The following EYA4 variants were observed in gnomAD, a reference collection of about 807,000 sequenced individuals.
EYA4 encodes protein phosphatase EYA4.
In EYA4, 31 loss-of-function variants were observed where a neutral mutation model predicts 87.9. The observed-to-expected ratio is 0.35, with a 90% CI of 0.27 to 0.48. EYA4 has a LOEUF of 0.48. Ranked by LOEUF, EYA4 falls within the 20% of genes least tolerant of loss-of-function variation. EYA4 has a pLI of 0.99. For synonymous variants in EYA4, 263 were observed against 270.6 expected (o/e 0.97, Z 0.28); for missense variants, 678 against 761.4 (o/e 0.89, Z 1.29).
chr6:133,243,059 G>C (rs1255022254), intron 1 of EYA4, among the ~76,000 whole-genome samples: 1 of 150,790 alleles, frequency 6.6e-6, no homozygotes, highest in East Asian at 2.0e-4. Context: ...GTGTGTTTTG[G>C]TTCCAGAGCA....
intron 1 of EYA4, among the ~76,000 whole-genome samples, chr6:133,268,621 C>T (rs534442188): frequency 1.3e-5 from 2 of 152,130 alleles, no homozygotes; most frequent in South Asian, 2.1e-4. Flanking sequence ...TAACTATTTG[C>T]GTGCATCATT....
intron 13 of EYA4, among the ~76,000 whole-genome samples, chr6:133,504,429 C>CTGGATT (rs1798413387): frequency 6.6e-6 from 1 of 152,130 alleles, no homozygotes; most frequent in African/African-American, 2.4e-5. Flanking sequence ...GAATCTCTGC[C>CTGGATT]TATGAAATCC....
At chr6:133,349,726 A>G (rs927409373) in intron 2 of EYA4, among the ~76,000 whole-genome samples, 1 of 152,130 alleles carries the variant, frequency 6.6e-6, no homozygotes, top group Non-Finnish European at 1.5e-5. Context: ...AGTGGGCTAC[A>G]TCTCATTGCT....
At chr6:133,441,107 C>T (rs1055034314) in intron 3 of EYA4, among the ~76,000 whole-genome samples, 4 of 152,006 alleles carry the variant, frequency 2.6e-5, no homozygotes, top group African/African-American at 9.7e-5. Context: ...GTATCATTCT[C>T]TTTCTCCTGT....
intron 2 of EYA4, among the ~76,000 whole-genome samples, chr6:133,359,871 T>C (rs1181776532): frequency 1.3e-5 from 2 of 152,172 alleles, no homozygotes; most frequent in Non-Finnish European, 2.9e-5. Context: ...TGGACAGCTG[T>C]CCATGAACCT....
rs1365615657 is a variant in EYA4 at position 133,518,365 on chromosome 6, A to AT, written c.1616+2930_1616+2931insT. Among the ~76,000 whole-genome samples the AT allele has an allele frequency of 6.6e-5, 10 of 152,260 alleles. No individual in the cohort carries two copies. The East Asian group carries it at 1.9e-3, about 29-fold the overall frequency. On this transcript the variant is annotated intron_variant, in intron 17 of 19. Transcript: ENST00000355286. ...AAAAAGAAATCAACATACATTGAGT[A>AT]GTTACATGCTATGGAATTTGCTGAG...
At chr6:133,334,712 T>C (rs1415638268) in intron 2 of EYA4, among the ~76,000 whole-genome samples, 2 of 152,208 alleles carry the variant, frequency 1.3e-5, no homozygotes, top group African/African-American at 4.8e-5. Context: ...CCAAATTCTT[T>C]ATAAAATAGA....
intron 7 of EYA4, 100 bp downstream of exon 7, chr6:133,461,280 A>G: frequency 1.1e-6 from 1 of 875,102 alleles, no homozygotes; most frequent in Admixed American, 1.7e-5. Context: ...ACATATATAG[A>G]TAAATATCCT....
At chr6:133,423,110 A>G (rs1055993965) in intron 3 of EYA4, among the ~76,000 whole-genome samples, 6 of 152,090 alleles carry the variant, frequency 3.9e-5, no homozygotes, top group African/African-American at 1.2e-4. Context: ...AGGGGTTTTC[A>G]TGAGTGGTAA....
intron 1 of EYA4, among the ~76,000 whole-genome samples, chr6:133,263,223 C>T (rs1775936998): frequency 6.6e-6 from 1 of 152,142 alleles, no homozygotes; most frequent in African/African-American, 2.4e-5. Context: ...TGTTAGACTT[C>T]CTATACCATT....
intron 3 of EYA4, among the ~76,000 whole-genome samples, chr6:133,396,663 CAA>C (rs1239082852): frequency 2.6e-5 from 4 of 151,984 alleles, no homozygotes; most frequent in Non-Finnish European, 4.4e-5. Flanking sequence ...TAAAGAGAAA[CAA>C]TGATGAAAAC....
chr6:133,458,052 C>T (rs1794055591), intron 6 of EYA4, among the ~76,000 whole-genome samples: 1 of 152,024 alleles, frequency 6.6e-6, no homozygotes, highest in Admixed American at 6.6e-5. Flanking sequence ...TATGATCAGT[C>T]CCTGGGTCCT....
intron 2 of EYA4, among the ~76,000 whole-genome samples, chr6:133,318,519 C>A (rs988130072): frequency 2.6e-5 from 4 of 152,072 alleles, no homozygotes; most frequent in Non-Finnish European, 1.5e-5. Flanking sequence ...TTCTGTCTTC[C>A]CATCTGATAA....
intron 11 of EYA4, among the ~76,000 whole-genome samples, chr6:133,473,299 A>G (rs1795435717): frequency 6.6e-6 from 1 of 152,072 alleles, no homozygotes. Flanking sequence ...ATTAGGCATC[A>G]GCACTGTGCT....
chr6:133,256,541 A>G (rs1050383818), intron 1 of EYA4, among the ~76,000 whole-genome samples: 3 of 152,112 alleles, frequency 2.0e-5, no homozygotes, highest in Non-Finnish European at 4.4e-5. Context: ...TAGACATTGT[A>G]TAAGTAATAA....
intron 2 of EYA4, among the ~76,000 whole-genome samples, chr6:133,280,729 A>C (rs1385529619): frequency 6.6e-6 from 1 of 152,178 alleles, no homozygotes; most frequent in African/African-American, 2.4e-5. Flanking sequence ...TTCTCATACA[A>C]TACAGCTCAC....
chr6:133,446,722 G>A lies in EYA4; in HGVS notation c.176G>A (p.Ser59Asn). 1 of 1,613,962 alleles carries A rather than the reference G, an allele frequency of 6.2e-7. No homozygotes were observed. Among genetic ancestry groups the A allele is most frequent in the Non-Finnish European group, 8.5e-7 (1 of 1,179,956 alleles). ...GSSKLEKSNL[S>N]STSVTTNGTG... ...TCCAAACTGGAAAAATCTAATCTCAGCAGCACATCAGTTACTACAAATGGG... is the reference window on the plus strand; with the variant it reads ...TCCAAACTGGAAAAATCTAATCTCAACAGCACATCAGTTACTACAAATGGG... The change falls in exon 4 of 20, where the codon AGC becomes AAC. Residue 59 changes from serine (S) to asparagine (N), a missense_variant. Ser to Asn is a conservative substitution (Grantham distance 46, BLOSUM62 1). Transcript: ENST00000355286.
intron 2 of EYA4, among the ~76,000 whole-genome samples, chr6:133,350,155 C>T (rs187773984): frequency 6.6e-6 from 1 of 152,132 alleles, no homozygotes; most frequent in East Asian, 1.9e-4. Context: ...TGTTGACAGT[C>T]TAATTGAACC....
intron 2 of EYA4, among the ~76,000 whole-genome samples, chr6:133,374,525 G>A (rs2128468389): frequency 6.6e-6 from 1 of 152,080 alleles, no homozygotes; most frequent in South Asian, 2.1e-4. Context: ...TTTGTCTACT[G>A]TTGCACTTAG....
Sources: gnomAD v4.1 joint callset for allele counts (sites outside exome capture counted in the v4.1 genomes callset) on GRCh38, gnomAD v4.1.1 for gene constraint, MANE v1.5 for transcripts, NCBI Gene and HGNC (gene_info 2026-07-23, HGNC 2026-07-21) for gene names.